TBC1D5: variants seen among roughly 807,000 people sequenced by gnomAD.
TBC1D5 encodes TBC1 domain family, member 5.
A neutral mutation model predicts 100.3 loss-of-function variants in TBC1D5; 75 were observed. That is an observed-to-expected ratio of 0.75 (90% confidence interval 0.62 to 0.91). The LOEUF (loss-of-function observed/expected upper bound fraction) is 0.91. TBC1D5 is among the 40% of genes least tolerant of loss of function. The pLI is 0.00. For synonymous variants in TBC1D5, 323 were observed against 325.6 expected (o/e 0.99, Z 0.09); for missense variants, 910 against 942.4 (o/e 0.97, Z 0.45).
At chr3:17,161,279 C>T (rs2066022510) in intron 21 of TBC1D5, 23 bp from the exon 23 acceptor site, 4 of 1,582,122 alleles carry the variant, frequency 2.5e-6, no homozygotes, top group Non-Finnish European at 2.6e-6. Context: ...GTCAGAAGTA[C>T]AGGTGGATGA....
At chr3:17,572,040 G>T (rs192378091) in intron 2 of TBC1D5, among the ~76,000 whole-genome samples, 17 of 151,908 alleles carry the variant, frequency 1.1e-4, no homozygotes, top group Non-Finnish European at 1.5e-5. Flanking sequence ...CCATTGTCTC[G>T]GTTGGGACTT....
At position 17,501,345 on chromosome 3, in the gene TBC1D5, T is replaced by C. The variant is rs754164286; in HGVS notation, c.97+7129A>G. 5.5e-4 allele frequency among the ~76,000 whole-genome samples: 83 copies of C among 149,734 alleles called. 2 individuals are homozygous for C. The highest frequency in any genetic ancestry group is 1.0e-3 in the Non-Finnish European group (69 of 67,904). ...CAAATTAATGCACTTATCAAACACA[T>C]AAGAATTATTAAGAGATGTGATAAA... On this transcript the variant is annotated intron_variant, in intron 3 of 21. Coordinates refer to ENST00000253692, the Ensembl canonical transcript of TBC1D5.
intron 5 of TBC1D5, among the ~76,000 whole-genome samples, chr3:17,405,932 T>C (rs2093758770): frequency 1.3e-5 from 2 of 152,076 alleles, no homozygotes; most frequent in Admixed American, 6.6e-5. Context: ...CAGTGGTCCT[T>C]TTCCTCTAAA....
At chr3:17,329,852 C>G (rs190118916) in intron 13 of TBC1D5, among the ~76,000 whole-genome samples, 1 of 152,290 alleles carries the variant, frequency 6.6e-6, no homozygotes, top group East Asian at 1.9e-4. Context: ...CATCCTCCTA[C>G]CTTGCCAATA....
intron 4 of TBC1D5, among the ~76,000 whole-genome samples, chr3:17,411,300 C>G (rs1260954755): frequency 6.6e-6 from 1 of 151,776 alleles, no homozygotes; most frequent in Non-Finnish European, 1.5e-5. Flanking sequence ...ATAGTGTAAT[C>G]ATAACTTTTA....
At chr3:17,656,983 G>T (rs936927599) in intron 1 of TBC1D5, among the ~76,000 whole-genome samples, 3 of 152,106 alleles carry the variant, frequency 2.0e-5, no homozygotes, top group Non-Finnish European at 4.4e-5. Flanking sequence ...GAATTTAATA[G>T]GTTCCAGGTC....
intron 2 of TBC1D5, among the ~76,000 whole-genome samples, chr3:17,517,407 A>T (rs1249351721): frequency 1.3e-5 from 2 of 152,226 alleles, no homozygotes; most frequent in Non-Finnish European, 2.9e-5. Context: ...AACTTCAGGA[A>T]ATTTCTGAGA....
At chr3:17,496,781 T>C (rs2095712788) in intron 3 of TBC1D5, among the ~76,000 whole-genome samples, 1 of 152,134 alleles carries the variant, frequency 6.6e-6, no homozygotes, top group African/African-American at 2.4e-5. Context: ...GAAATATATT[T>C]TAAAATAGCT....
chr3:17,160,777 A>T lies in TBC1D5; in HGVS notation c.*186T>A. 3 of 749,984 alleles carry T rather than the reference A, an allele frequency of 4.0e-6. No individual in the cohort carries two copies. In the South Asian group the frequency reaches 6.4e-5, roughly 16 times the overall value. The allele number at this position is 749,984 out of a possible 1,614,324, so 46.5% of individuals were successfully genotyped here. A position where few individuals can be genotyped will look rare whatever the true frequency, so the allele number is the denominator to read the frequency against. Reference sequence around the variant, plus strand: ...AGCCCTGTCTGCATGTGGCAAACCTAAGCCTCTGTGCTTTGTGGCCATATA... The same window carrying T: ...AGCCCTGTCTGCATGTGGCAAACCTTAGCCTCTGTGCTTTGTGGCCATATA... On this transcript the variant is annotated 3_prime_UTR_variant, in exon 22 of 22. Coordinates refer to ENST00000253692, the Ensembl canonical transcript of TBC1D5.
intron 16 of TBC1D5, among the ~76,000 whole-genome samples, chr3:17,251,499 G>A (rs541065689): frequency 1.6e-4 from 24 of 149,244 alleles, no homozygotes; most frequent in African/African-American, 4.2e-4. Flanking sequence ...GAAAGCAGGC[G>A]GCTAATACCT....
At chr3:17,626,646 G>C (rs374927290) in intron 1 of TBC1D5, among the ~76,000 whole-genome samples, 5 of 152,180 alleles carry the variant, frequency 3.3e-5, no homozygotes, top group East Asian at 3.9e-4. Flanking sequence ...CTTCACAGAG[G>C]GGGCAAGACA....
At chr3:17,347,609 G>C (rs1345630450) in intron 13 of TBC1D5, among the ~76,000 whole-genome samples, 1 of 151,404 alleles carries the variant, frequency 6.6e-6, no homozygotes, top group Non-Finnish European at 1.5e-5. Context: ...CTGAGATGAA[G>C]CAACTGAGTT....
In TBC1D5 at chr3:17,502,266, A is replaced by G. The variant is rs953326128; in HGVS notation, c.97+6208T>C. ...AAATATACAGAGTGCTGGCGTATGG[A>G]TTCTTCAGATTACAAAAAGCACTGT... On this transcript the variant is annotated intron_variant, in intron 3 of 21. Transcript: ENST00000253692. Among the ~76,000 whole-genome samples the G allele has an allele frequency of 3.3e-5, 5 of 149,766 alleles. 1 individual carries two copies. The highest frequency in any genetic ancestry group is 1.3e-4 in the African/African-American group (5 of 39,502).
chr3:17,559,144 T>C (rs2096540890), intron 2 of TBC1D5, among the ~76,000 whole-genome samples: 1 of 150,414 alleles, frequency 6.6e-6, no homozygotes, highest in Admixed American at 6.6e-5. Context: ...GCTATATAAA[T>C]GTAAAACTTT....
chr3:17,652,761 T>A (rs879879166), intron 1 of TBC1D5, among the ~76,000 whole-genome samples: 2 of 152,208 alleles, frequency 1.3e-5, no homozygotes, highest in Admixed American at 6.5e-5. Flanking sequence ...TTAGACTTTT[T>A]AAATCAAATG....
At chr3:17,166,779 C>T (rs1423060697) in exon 21 of TBC1D5, 2 of 1,608,658 alleles carry the variant, frequency 1.2e-6, no homozygotes, top group Non-Finnish European at 1.7e-6. Context: ...GTTTAATGGC[C>T]CCTGACATTT....
At chr3:17,486,967 C>T (rs945990905) in intron 3 of TBC1D5, among the ~76,000 whole-genome samples, 30 of 152,124 alleles carry the variant, frequency 2.0e-4, no homozygotes, top group Admixed American at 1.4e-3. Context: ...TATTAGAAAA[C>T]GGCATATCCT....
chr3:17,489,173 T>C (rs1368610077), intron 3 of TBC1D5, among the ~76,000 whole-genome samples: 4 of 151,720 alleles, frequency 2.6e-5, no homozygotes, highest in African/African-American at 7.3e-5. Context: ...CAAACAAGAA[T>C]GTTTGCTGTA....
chr3:17,579,822 C>T (rs1043179744), intron 2 of TBC1D5, among the ~76,000 whole-genome samples: 15 of 152,112 alleles, frequency 9.9e-5, no homozygotes, highest in Non-Finnish European at 1.9e-4. Context: ...GTTATCACTA[C>T]AGAGAGCTGG....
Sources: allele counts gnomAD v4.1 joint callset (sites outside exome capture counted in the v4.1 genomes callset), GRCh38; gene constraint gnomAD v4.1.1; transcripts MANE v1.5; gene names NCBI Gene and HGNC (gene_info 2026-07-23, HGNC 2026-07-21).